Variants in SLC25A5 observed in about 807,000 individuals in gnomAD.
The protein encoded by SLC25A5 is solute carrier family 25 member 5.
Under a neutral mutation model 16.5 loss-of-function variants are expected in SLC25A5, and 4 were observed. The observed-to-expected ratio is 0.24, with a 90% CI of 0.12 to 0.56. The LOEUF is 0.56. Ranked by LOEUF, SLC25A5 falls within the 20% of genes least tolerant of loss-of-function variation. SLC25A5 has a pLI of 0.93. For synonymous variants in SLC25A5, 60 were observed against 95.2 expected, an observed-to-expected ratio of 0.63 and a Z score of 2.15; for missense variants, 88 against 248.0, an observed-to-expected ratio of 0.35 and a Z score of 4.33.
intron 1 of SLC25A5, chrX:119,469,033 G>A (rs2052807066): frequency 8.1e-6 from 1 of 123,157 alleles, no homozygotes. Context: ...GAGGCCATGC[G>A]CCCGGGTCCA....
chrX:119,470,915 A>C lies in SLC25A5; in HGVS notation c.754A>C (p.Thr252Pro). 4 of 1,210,939 alleles carry C rather than the reference A, an allele frequency of 3.3e-6. No homozygotes were observed. Among genetic ancestry groups the C allele is most frequent in the Non-Finnish European group, 4.5e-6 (4 of 894,918 alleles). Residue 252 changes from threonine (T) to proline (P), a missense_variant, in exon 4 of 4, where the codon ACA (threonine) becomes CCA (proline). By Grantham distance (38) the Thr-to-Pro change is conservative. Transcript: ENST00000317881. ...SGRKGTDIMY[T>P]GTLDCWRKIA... ...ATTCTTTGCAGCTGACATCATGTAC[A>C]CAGGCACGCTTGACTGCTGGCGGAA... is the stretch of plus-strand genomic sequence containing the variant.
Position 119,470,505 on chromosome X carries a change from G to A in SLC25A5, c.731G>A (p.Arg244His), listed in dbSNP as rs1346128675. Residue 244 changes from arginine to histidine, a missense_variant, in exon 3 of 4, where the codon CGC becomes CAC. Transcript: ENST00000317881. The stretch of plus-strand genomic sequence containing the variant: ...CGCCGCATGATGATGCAGTCAGGGC[G>A]CAAAGGAAGTAAGTTCCACTTGAGC... ...VRRRMMMQSG[R>H]KGTDIMYTGT... 7 of 1,208,522 alleles carry A rather than the reference G, an allele frequency of 5.8e-6. No individual in the cohort carries two copies. The highest frequency in any genetic ancestry group is 7.8e-6 in the Non-Finnish European group (7 of 894,275).
chrX:119,468,446 C>T lies in SLC25A5; in HGVS notation c.-70C>T. ...AATCGGCCATTTGCTTCGCTCCGCCCCGCAGCGCCGGAGTCAAAGCCGGTT... is the reference window on the plus strand; with the variant it reads ...AATCGGCCATTTGCTTCGCTCCGCCTCGCAGCGCCGGAGTCAAAGCCGGTT... On this transcript the variant is annotated 5_prime_UTR_variant, in exon 1 of 4. Coordinates refer to ENST00000317881, the MANE Select transcript of SLC25A5 (RefSeq NM_001152.5). The T allele has an allele frequency of 1.0e-6, 1 of 961,493 alleles. No homozygotes were observed. The highest frequency in any genetic ancestry group is 1.5e-6 in the Non-Finnish European group (1 of 678,205). The allele number at this position is 961,493 out of a possible 1,213,427, so 79.2% of individuals were successfully genotyped here.
chrX:119,468,725 T>A, intron 1 of SLC25A5, 99 bp downstream of exon 1: 2 of 719,983 alleles, frequency 2.8e-6, no homozygotes, highest in South Asian at 2.5e-5. Context: ...TCTAAAGACA[T>A]GGCCAGGGAA....
intron 1 of SLC25A5, 74 bp from the exon 2 acceptor site, chrX:119,469,587 A>T (rs5910591): frequency 9.2e-7 from 1 of 1,090,484 alleles, no homozygotes; most frequent in Non-Finnish European, 1.2e-6. Context: ...GCATTGATCG[A>T]GATGGCATAA....
rs2052802627 is a variant in SLC25A5, at chrX:119,468,587, G to A, written c.72G>A (p.Thr24=). Reference sequence around the variant, plus strand: ...GAGTGGCCGCAGCCATCTCCAAGACGGCGGTAGCGCCCATCGAGCGGGTCA... The same window carrying A: ...GAGTGGCCGCAGCCATCTCCAAGACAGCGGTAGCGCCCATCGAGCGGGTCA... The part of the protein sequence containing the change: ...AGGVAAAISK[T]AVAPIERVKL... Residue 24 remains threonine (T), a synonymous_variant, in exon 1 of 4, where the codon ACG becomes ACA. Coordinates refer to ENST00000317881, the MANE Select transcript of SLC25A5 (RefSeq NM_001152.5). The A allele has an allele frequency of 1.7e-6, 2 of 1,210,106 alleles. No homozygotes were observed. The highest frequency in any genetic ancestry group is 3.0e-5 in the East Asian group (1 of 33,861).
At position 119,468,592 on chromosome X, in the gene SLC25A5, T is replaced by C. The variant is rs760300531; in HGVS notation, c.77T>C (p.Val26Ala). The change falls in exon 1 of 4, where the codon GTA becomes GCA. Residue 26 changes from valine to alanine, a missense_variant. Physicochemically the swap from Val to Ala is moderately conservative, Grantham distance 64 (BLOSUM62 0). Transcript: ENST00000317881. ...GCCGCAGCCATCTCCAAGACGGCGG[T>C]AGCGCCCATCGAGCGGGTCAAGCTG... Reference protein sequence around the residue: ...GVAAAISKTAVAPIERVKLLL... With the variant: ...GVAAAISKTAAAPIERVKLLL... 1 of 1,209,427 alleles carries C rather than the reference T, an allele frequency of 8.3e-7. No homozygotes were observed. The highest frequency in any genetic ancestry group is 3.0e-5 in the East Asian group (1 of 33,824).
chrX:119,469,449 AG>A (rs1429001154), intron 1 of SLC25A5: 1 of 409,181 alleles, frequency 2.4e-6, no homozygotes. Context: ...CTCCACTCAG[AG>A]GGGTGGAGGC....
rs761554658 is a variant in SLC25A5, at chrX:119,470,156, G to A, written c.598+9G>A. Reference sequence around the variant, plus strand: ...CTATGACACTGCAAAGGGTAAGTTTGCTGTGGGCTTTAACGTTGTGTTCTT... The same window carrying A: ...CTATGACACTGCAAAGGGTAAGTTTACTGTGGGCTTTAACGTTGTGTTCTT... On this transcript the variant is annotated intron_variant, in intron 2 of 3. Coordinates refer to ENST00000317881, the MANE Select transcript of SLC25A5 (RefSeq NM_001152.5). The A allele has an allele frequency of 8.0e-6, 9 of 1,124,866 alleles. No homozygotes were observed. In the East Asian group the frequency reaches 2.8e-4, roughly 35 times the overall value. 92.7% of individuals were successfully genotyped at this position (1,124,866 alleles called of 1,213,427 possible). A position where few individuals can be genotyped will look rare whatever the true frequency, so the allele number is the denominator to read the frequency against.
chrX:119,468,660 G>T, intron 1 of SLC25A5, 34 bp downstream of exon 1: 14 of 1,130,849 alleles, frequency 1.2e-5, no homozygotes, highest in Non-Finnish European at 1.7e-5. Flanking sequence ...CAACCAGGAA[G>T]TGGGGGGAAG....
chrX:119,470,137 C>T lies in SLC25A5; in HGVS notation c.588C>T (p.Asp196=). 1 of 1,193,321 alleles carries T rather than the reference C, an allele frequency of 8.4e-7. No homozygotes were observed. Among genetic ancestry groups the T allele is most frequent in the Non-Finnish European group, 1.1e-6 (1 of 887,016 alleles). Residue 196 remains aspartate (D), a synonymous_variant, in exon 2 of 4, where the codon GAC becomes GAT. Transcript: ENST00000317881. ...IYRAAYFGIY[D]TAKGMLPDPK... Reference sequence around the variant, plus strand: ...GAGCCGCCTACTTCGGTATCTATGACACTGCAAAGGGTAAGTTTGCTGTGG... The same window carrying T: ...GAGCCGCCTACTTCGGTATCTATGATACTGCAAAGGGTAAGTTTGCTGTGG...
chrX:119,469,694 A>G lies in SLC25A5; in HGVS notation c.145A>G (p.Lys49Glu). The change falls in exon 2 of 4, where the codon AAG becomes GAG. Residue 49 changes from lysine to glutamate, a missense_variant. Transcript: ENST00000317881. ...TGCCAGCAAGCAGATCACTGCAGAT[A>G]AGCAATACAAAGGCATTATAGACTG... Reference protein sequence around the residue: ...QHASKQITADKQYKGIIDCVV... With the variant: ...QHASKQITADEQYKGIIDCVV... 4 of 1,207,157 alleles carry G rather than the reference A, an allele frequency of 3.3e-6. No individual in the cohort carries two copies. The highest frequency in any genetic ancestry group is 4.5e-6 in the Non-Finnish European group (4 of 892,445).
At chrX:119,468,945 G>A in intron 1 of SLC25A5, 1 of 266,357 alleles carries the variant, frequency 3.8e-6, no homozygotes, top group Non-Finnish European at 6.7e-6. Flanking sequence ...GGCGAAGGCC[G>A]AAAGCCGGCG....
Position 119,470,354 on chromosome X carries a change from A to ATC in SLC25A5, c.599-15_599-14dup. On this transcript the variant is annotated intron_variant, in intron 2 of 3. Transcript: ENST00000317881. ...TAAAACTCTGCTTTTTGGTAAAAGC[A>ATC]TCTCTTTCCTATTCCCAGGAATGCT... The ATC allele has an allele frequency of 8.3e-7, 1 of 1,206,715 alleles. No individual in the cohort carries two copies. Among genetic ancestry groups the ATC allele is most frequent in the Non-Finnish European group, 1.1e-6 (1 of 892,420 alleles).
chrX:119,470,980 T>C lies in SLC25A5; in HGVS notation c.819T>C (p.Gly273=), dbSNP rs775807158. The C allele has an allele frequency of 7.4e-6, 9 of 1,212,532 alleles. No homozygotes were observed. Among genetic ancestry groups the C allele is most frequent in the Non-Finnish European group, 1.0e-5 (9 of 895,274 alleles). Residue 273 remains glycine, a synonymous_variant, in exon 4 of 4, where the codon GGT becomes GGC. Coordinates refer to ENST00000317881, the MANE Select transcript of SLC25A5 (RefSeq NM_001152.5). ...AAGGAGGCAAAGCTTTTTTCAAGGG[T>C]GCATGGTCCAATGTTCTCAGAGGCA... ...RDEGGKAFFK[G]AWSNVLRGMG...
At chrX:119,470,323 A>G (rs184405747) in intron 2 of SLC25A5, 50 bp from the exon 3 acceptor site, 1 of 1,157,244 alleles carries the variant, frequency 8.6e-7, no homozygotes, top group East Asian at 3.1e-5. Flanking sequence ...GGGGAAAGGA[A>G]GTCAGTAAAA....
intron 3 of SLC25A5, 86 bp downstream of exon 3, chrX:119,470,599 T>A: frequency 9.4e-7 from 1 of 1,068,894 alleles, no homozygotes; most frequent in Middle Eastern, 2.6e-4. Flanking sequence ...TTAAAATGGC[T>A]GTCTGTCCAA....
At chrX:119,469,513 G>T in intron 1 of SLC25A5, 148 bp from the exon 2 acceptor site, 1 of 639,906 alleles carries the variant, frequency 1.6e-6, no homozygotes, top group Non-Finnish European at 2.4e-6. Context: ...TCAGAGGGTT[G>T]GGAGGGTCCA....
At position 119,468,777 on chromosome X, in the gene SLC25A5, G is replaced by A. The variant is rs1359787975; in HGVS notation, c.111+151G>A. Reference sequence around the variant, plus strand: ...CAGAGCGGGGCGCAGAGGCAGAACAGAAGTCAAACTGGTGGGAGGCGCCTT... The same window carrying A: ...CAGAGCGGGGCGCAGAGGCAGAACAAAAGTCAAACTGGTGGGAGGCGCCTT... On this transcript the variant is annotated intron_variant, in intron 1 of 3. Transcript: ENST00000317881. 4 of 485,473 alleles carry A rather than the reference G, an allele frequency of 8.2e-6. No homozygotes were observed. The African/African-American group carries it at 9.6e-5, about 12-fold the overall frequency. 40.0% of individuals were successfully genotyped at this position (485,473 alleles called of 1,213,427 possible). A position where few individuals can be genotyped will look rare whatever the true frequency, so the allele number is the denominator to read the frequency against.
Sources: gnomAD v4.1 joint callset for allele counts on GRCh38, gnomAD v4.1.1 for gene constraint, MANE v1.5 for transcripts, NCBI Gene and HGNC (gene_info 2026-07-23, HGNC 2026-07-21) for gene names.